Variants in CADPS observed in about 807,000 individuals in gnomAD.
CADPS encodes the protein calcium-dependent secretion activator 1.
Under a neutral mutation model 167.3 loss-of-function variants are expected in CADPS, and 57 were observed. The observed-to-expected ratio is 0.34, with a 90% CI of 0.28 to 0.42. CADPS has a LOEUF of 0.42. Ranked by LOEUF, CADPS falls within the 20% of genes least tolerant of loss-of-function variation. The pLI, the probability that CADPS is intolerant of heterozygous loss-of-function variation, is 1.00. For synonymous variants in CADPS, 676 were observed against 635.3 expected, an observed-to-expected ratio of 1.06 and a Z score of -0.96; for missense variants, 1,414 against 1,738.1, an observed-to-expected ratio of 0.81 and a Z score of 3.32.
At chr3:62,745,727 T>C (rs1423262079) in intron 3 of CADPS, among the ~76,000 whole-genome samples, 1 of 152,190 alleles carries the variant, frequency 6.6e-6, no homozygotes, top group Non-Finnish European at 1.5e-5. Flanking sequence ...AACATGCACC[T>C]TGTGTAATGT....
chr3:62,554,624 C>T (rs2077820874), intron 10 of CADPS, among the ~76,000 whole-genome samples: 1 of 152,182 alleles, frequency 6.6e-6, no homozygotes, highest in African/African-American at 2.4e-5. Context: ...CTTGGCTCTC[C>T]AGCTGGCAAA....
intron 3 of CADPS, among the ~76,000 whole-genome samples, chr3:62,692,146 G>A (rs1035788024): frequency 6.6e-6 from 1 of 151,792 alleles, no homozygotes; most frequent in African/African-American, 2.4e-5. Flanking sequence ...GTCAACATCT[G>A]AACTGCCTTG....
At chr3:62,634,272 T>C (rs780463386) in intron 6 of CADPS, among the ~76,000 whole-genome samples, 8 of 152,206 alleles carry the variant, frequency 5.3e-5, no homozygotes, top group African/African-American at 1.7e-4. Context: ...AGAAGTGATA[T>C]AATGTTCTTC....
At chr3:62,550,748 C>G in intron 10 of CADPS, 1 of 454,526 alleles carries the variant, frequency 2.2e-6, no homozygotes, top group Non-Finnish European at 4.4e-6. Flanking sequence ...TGAAACTTGT[C>G]CAGGTTTCAG....
chr3:62,611,052 A>G (rs2061435127), intron 6 of CADPS, among the ~76,000 whole-genome samples: 2 of 152,126 alleles, frequency 1.3e-5, no homozygotes, highest in Admixed American at 6.5e-5. Context: ...CCCCACAGCA[A>G]ATAATTATCC....
intron 7 of CADPS, among the ~76,000 whole-genome samples, chr3:62,586,378 C>G (rs1352045829): frequency 6.6e-6 from 1 of 152,136 alleles, no homozygotes; most frequent in Non-Finnish European, 1.5e-5. Flanking sequence ...GGTGGACACT[C>G]TGGCCTTCTA....
intron 3 of CADPS, among the ~76,000 whole-genome samples, chr3:62,721,337 G>A (rs1466575825): frequency 1.3e-5 from 2 of 151,876 alleles, no homozygotes; most frequent in Admixed American, 6.6e-5. Flanking sequence ...TCACCAGGGG[G>A]GCATTTTAGC....
At chr3:62,703,259 T>C (rs1219812556) in intron 3 of CADPS, among the ~76,000 whole-genome samples, 1 of 152,168 alleles carries the variant, frequency 6.6e-6, no homozygotes, top group Non-Finnish European at 1.5e-5. Context: ...TTCACATCTC[T>C]AGCTGAACGA....
chr3:62,457,935 G>A (rs571769522), intron 26 of CADPS, among the ~76,000 whole-genome samples: 1 of 152,212 alleles, frequency 6.6e-6, no homozygotes, highest in African/African-American at 2.4e-5. Context: ...CTGTTGAAGG[G>A]TGGGGGACTA....
At chr3:62,657,690 G>A (rs1296836349) in intron 4 of CADPS, among the ~76,000 whole-genome samples, 1 of 152,136 alleles carries the variant, frequency 6.6e-6, no homozygotes, top group Non-Finnish European at 1.5e-5. Flanking sequence ...ATCTCTGTCT[G>A]ATGTTCTTGT....
At position 62,474,170 on chromosome 3, in the gene CADPS, T is replaced by TTTTTTTTTTTTTTTAAA; in HGVS notation, c.3477+2_3477+3insTTTAAAAAAAAAAAAAA. 8 of 1,475,382 alleles carry TTTTTTTTTTTTTTTAAA rather than the reference T, an allele frequency of 5.4e-6. No individual in the cohort carries two copies. Among genetic ancestry groups the TTTTTTTTTTTTTTTAAA allele is most frequent in the African/African-American group, 1.5e-5 (1 of 67,926 alleles). 91.4% of individuals were successfully genotyped at this position (1,475,382 alleles called of 1,614,324 possible). On this transcript the variant is annotated splice_region_variant and intron_variant, in intron 24 of 29. Transcript: ENST00000383710. Reference sequence around the variant, plus strand: ...AAATCTGTATTTTTTTTTTTTTTTTTACCTCTTGGCCCATTTCCATGCTGC... The same window carrying TTTTTTTTTTTTTTTAAA: ...AAATCTGTATTTTTTTTTTTTTTTTTTTTTTTTTTTTTTTAAAACCTCTTGGCCCATTTCCATGCTGC...
chr3:62,513,333 T>C (rs2068272463), intron 16 of CADPS, among the ~76,000 whole-genome samples: 1 of 152,062 alleles, frequency 6.6e-6, no homozygotes, highest in South Asian at 2.1e-4. Context: ...TGACAAGCAC[T>C]TTACAAATTA....
intron 13 of CADPS, chr3:62,530,748 G>A (rs141924743): frequency 7.8e-7 from 1 of 1,289,006 alleles, no homozygotes; most frequent in East Asian, 5.6e-5. Context: ...GGTGGGGAGG[G>A]AGTTTTGCTC....
chr3:62,400,826 C>T (rs1315548818), intron 29 of CADPS, among the ~76,000 whole-genome samples: 2 of 152,068 alleles, frequency 1.3e-5, no homozygotes, highest in East Asian at 3.9e-4. Flanking sequence ...TCTTGATCTC[C>T]TGACCTTGTG....
At chr3:62,749,415 T>G (rs4423760) in intron 3 of CADPS, among the ~76,000 whole-genome samples, 49,764 of 152,094 alleles carry the variant, frequency 0.33, 9,212 homozygotes, top group East Asian at 0.81. Context: ...AGATTACAGC[T>G]TCCCCTAGGA....
At position 62,438,469 on chromosome 3, in the gene CADPS, A is replaced by T. The variant is rs2055610754; in HGVS notation, c.3670-258T>A. The T allele has an allele frequency of 7.5e-6, 3 of 399,832 alleles. No individual in the cohort carries two copies. Among genetic ancestry groups the T allele is most frequent in the South Asian group, 3.0e-5 (1 of 33,252 alleles). 24.8% of individuals were successfully genotyped at this position (399,832 alleles called of 1,614,324 possible). ...TTTATAAATAGTTTTTCTATGATAA[A>T]TTTTTTCCTGGCAAATTTATCTAAT... is the stretch of plus-strand genomic sequence containing the variant. On this transcript the variant is annotated intron_variant, in intron 27 of 29. Transcript: ENST00000383710. This position sits in a 1 kb window ranked among gnomAD's most constrained non-coding sequence, Gnocchi z 4.7.
chr3:62,419,034 C>G (rs2050770059), intron 28 of CADPS, among the ~76,000 whole-genome samples: 2 of 152,190 alleles, frequency 1.3e-5, no homozygotes, highest in African/African-American at 4.8e-5. Context: ...GATTTTGTGA[C>G]ACTTACATAG....
At chr3:62,404,012 T>C (rs1338886491) in intron 28 of CADPS, 1 of 152,214 alleles carries the variant, frequency 6.6e-6, no homozygotes, top group Non-Finnish European at 1.5e-5. Context: ...CAGTATAATT[T>C]TGCAGTACTG....
At chr3:62,520,429 CAGAT>C (rs1278551671) in intron 13 of CADPS, among the ~76,000 whole-genome samples, 1 of 152,208 alleles carries the variant, frequency 6.6e-6, no homozygotes, top group Non-Finnish European at 1.5e-5. Context: ...TTAAAAGTAT[CAGAT>C]AGCAGCTTCT....
Sources: gnomAD v4.1 joint callset for allele counts (sites outside exome capture counted in the v4.1 genomes callset) on GRCh38, gnomAD v4.1.1 for gene constraint, Gnocchi (gnomAD v3.1) non-coding constraint, MANE v1.5 for transcripts, NCBI Gene and HGNC (gene_info 2026-07-23, HGNC 2026-07-21) for gene names.